DNER: variants seen among roughly 807,000 people sequenced by gnomAD.
DNER encodes the protein delta/notch like EGF repeat containing, also known as delta and Notch-like epidermal growth factor-related receptor.
A neutral mutation model predicts 78.2 loss-of-function variants in DNER; 33 were observed. The observed-to-expected ratio is 0.42, with a 90% confidence interval of 0.32 to 0.56. DNER has a LOEUF of 0.56. DNER is among the 20% of genes least tolerant of loss of function. DNER has a pLI of 0.11. For synonymous variants in DNER, 417 were observed against 384.8 expected, an observed-to-expected ratio of 1.08 and a Z score of -0.98; for missense variants, 918 against 975.3, an observed-to-expected ratio of 0.94 and a Z score of 0.78.
intron 1 of DNER, among the ~76,000 whole-genome samples, chr2:229,668,472 A>G: frequency 7.0e-6 from 1 of 143,060 alleles, no homozygotes; most frequent in South Asian, 2.2e-4. Context: ...AAGAAGACAT[A>G]TATATAGGTA....
intron 4 of DNER, among the ~76,000 whole-genome samples, chr2:229,572,846 G>A (rs1217783943): frequency 6.6e-6 from 1 of 152,172 alleles, no homozygotes; most frequent in Non-Finnish European, 1.5e-5. Flanking sequence ...TTACTTGAAT[G>A]TGACTTTATG....
intron 12 of DNER, among the ~76,000 whole-genome samples, chr2:229,360,880 G>C (rs1574804408): frequency 6.6e-6 from 1 of 152,348 alleles, no homozygotes; most frequent in South Asian, 2.1e-4. Flanking sequence ...GGGTCATAAA[G>C]TATAATGCTA....
At position 229,670,425 on chromosome 2, in the gene DNER, G is replaced by A. The variant is rs181710655; in HGVS notation, c.276+43723C>T. Among the ~76,000 whole-genome samples, 12 of 100,448 alleles carry A rather than the reference G, an allele frequency of 1.2e-4. No individual in the cohort carries two copies. The East Asian group carries it at 2.5e-3, about 21-fold the overall frequency. 65.9% of individuals were successfully genotyped at this position (100,448 alleles called of 152,430 possible). On this transcript the variant is annotated intron_variant, in intron 1 of 12. Coordinates refer to ENST00000341772, the MANE Select transcript of DNER (RefSeq NM_139072.4). ...GCACACGGTGGGTAATGAAGACCTC[G>A]GAGGAAACTGGTTTCCACCCCTGGG...
intron 7 of DNER, among the ~76,000 whole-genome samples, chr2:229,452,854 C>T (rs1023237404): frequency 6.6e-6 from 1 of 152,178 alleles, no homozygotes; most frequent in African/African-American, 2.4e-5. Context: ...TCTTGAACTC[C>T]TGACCTCAAG....
rs140060311 is a variant in DNER, at chr2:229,547,257, C to T, written c.848-165G>A. Among the ~76,000 whole-genome samples the T allele has an allele frequency of 3.5e-3, 534 of 152,306 alleles. 4 individuals carry two copies. Among genetic ancestry groups the T allele is most frequent in the Middle Eastern group, 0.014 (4 of 294 alleles). ...TGAGGCAAGGGAATAAAGCACATGG[C>T]CACCATCCACTGAGACCTCAGGACT... On this transcript the variant is annotated intron_variant, in intron 4 of 12. Coordinates refer to ENST00000341772, the MANE Select transcript of DNER (RefSeq NM_139072.4).
At chr2:229,502,185 T>C (rs1695634598) in intron 6 of DNER, among the ~76,000 whole-genome samples, 1 of 152,140 alleles carries the variant, frequency 6.6e-6, no homozygotes, top group African/African-American at 2.4e-5. Context: ...CATGGCCCTA[T>C]GAAGATTTGA....
At chr2:229,676,496 G>A (rs1280164930) in intron 1 of DNER, among the ~76,000 whole-genome samples, 1 of 152,190 alleles carries the variant, frequency 6.6e-6, no homozygotes, top group African/African-American at 2.4e-5. Context: ...TGAATGGCCC[G>A]ATCCTAAGAC....
chr2:229,577,500 T>A (rs965659416), intron 4 of DNER, among the ~76,000 whole-genome samples: 2 of 151,896 alleles, frequency 1.3e-5, no homozygotes, highest in African/African-American at 4.8e-5. Flanking sequence ...CTGGGCGTGG[T>A]GGTGGGAGCC....
intron 5 of DNER, among the ~76,000 whole-genome samples, chr2:229,539,850 C>T (rs1696478416): frequency 1.3e-5 from 2 of 152,158 alleles, no homozygotes; most frequent in African/African-American, 2.4e-5. Flanking sequence ...TTGCAAACCT[C>T]TCCCACAGCA....
intron 1 of DNER, among the ~76,000 whole-genome samples, chr2:229,597,170 G>T (rs1389442103): frequency 6.6e-6 from 1 of 152,184 alleles, no homozygotes; most frequent in Non-Finnish European, 1.5e-5. Flanking sequence ...GGGTCATTGG[G>T]CCCTTTTTAA....
intron 1 of DNER, among the ~76,000 whole-genome samples, chr2:229,686,124 T>C (rs958283533): frequency 2.6e-5 from 4 of 152,126 alleles, no homozygotes; most frequent in African/African-American, 9.7e-5. Flanking sequence ...ATTTGTGTTC[T>C]TATGAAAATA....
intron 9 of DNER, among the ~76,000 whole-genome samples, chr2:229,413,321 CTTTTTT>C (rs398061160): frequency 8.7e-4 from 59 of 67,780 alleles, no homozygotes; most frequent in African/African-American, 2.0e-3. Flanking sequence ...TTTTCTTCTT[CTTTTTT>C]TTTTTTTTTT....
chr2:229,611,178 A>G (rs1320910285), intron 1 of DNER, among the ~76,000 whole-genome samples: 1 of 152,258 alleles, frequency 6.6e-6, no homozygotes, highest in Non-Finnish European at 1.5e-5. Context: ...CAATTACTTA[A>G]GAATAAAGTA....
At chr2:229,578,217 C>T (rs16826208) in intron 4 of DNER, among the ~76,000 whole-genome samples, 2,112 of 152,216 alleles carry the variant, frequency 0.014, 42 homozygotes, top group African/African-American at 0.048. Context: ...ATGTCCTGGT[C>T]GGTCGCTCGC....
At chr2:229,627,994 C>T (rs1698374405) in intron 1 of DNER, among the ~76,000 whole-genome samples, 2 of 152,358 alleles carry the variant, frequency 1.3e-5, no homozygotes, top group East Asian at 3.9e-4. Flanking sequence ...TTTCTCCCCT[C>T]TCTTACACAT....
intron 1 of DNER, among the ~76,000 whole-genome samples, chr2:229,703,473 G>A (rs1162272569): frequency 6.6e-6 from 1 of 152,142 alleles, no homozygotes; most frequent in African/African-American, 2.4e-5. Context: ...TTGTGGCCTT[G>A]GGTTAGGCAA....
chr2:229,706,440 A>G (rs1699828554), intron 1 of DNER, among the ~76,000 whole-genome samples: 1 of 151,946 alleles, frequency 6.6e-6, no homozygotes, highest in Non-Finnish European at 1.5e-5. Context: ...GCACACACCT[A>G]TAACTTCAGC....
chr2:229,477,778 A>T (rs1695067709), intron 6 of DNER, among the ~76,000 whole-genome samples: 1 of 152,210 alleles, frequency 6.6e-6, no homozygotes, highest in Admixed American at 6.5e-5. Context: ...TTAAAGATAA[A>T]GAGATTGAGG....
rs139008351 is a variant in DNER at position 229,394,092 on chromosome 2, T to C, written c.1724-5696A>G. Among the ~76,000 whole-genome samples the C allele has an allele frequency of 3.9e-3, 589 of 152,250 alleles. 5 individuals carry two copies. The highest frequency in any genetic ancestry group is 0.013 in the African/African-American group (557 of 41,558). ...AAGAAAACCACACACACACACATCA[T>C]AGTGCAGAAGCGAAAGCAACTGCAT... is the stretch of plus-strand genomic sequence containing the variant. On this transcript the variant is annotated intron_variant, in intron 10 of 12. Coordinates refer to ENST00000341772, the MANE Select transcript of DNER (RefSeq NM_139072.4).
Sources: allele counts gnomAD v4.1 joint callset (sites outside exome capture counted in the v4.1 genomes callset), GRCh38; gene constraint gnomAD v4.1.1; transcripts MANE v1.5; gene names NCBI Gene and HGNC (gene_info 2026-07-23, HGNC 2026-07-21).